The following PROX1 variants were observed in gnomAD, a reference collection of about 807,000 sequenced individuals.
The protein encoded by PROX1 is prospero homeobox 1.
In PROX1, 7 loss-of-function variants were observed where a neutral mutation model predicts 58.8. The observed-to-expected ratio is 0.12, with a 90% CI of 0.07 to 0.22. The LOEUF is 0.22. Ranked by LOEUF, PROX1 falls within the 10% of genes least tolerant of loss-of-function variation. The pLI is 1.00. For synonymous variants in PROX1, 350 were observed against 358.3 expected, an observed-to-expected ratio of 0.98 and a Z score of 0.26; for missense variants, 675 against 927.8, an observed-to-expected ratio of 0.73 and a Z score of 3.54.
chr1:213,992,420 T>C (rs1489446715), intron 1 of PROX1, among the ~76,000 whole-genome samples: 32 of 152,152 alleles, frequency 2.1e-4, no homozygotes, highest in Non-Finnish European at 2.9e-5. Context: ...TTCTTGAATG[T>C]AGTGAAGGGG....
At chr1:213,983,593 C>A (rs1313123309), upstream of PROX1, among the ~76,000 whole-genome samples, 1 of 152,142 alleles carries the variant, frequency 6.6e-6, no homozygotes, top group Non-Finnish European at 1.5e-5. Flanking sequence ...TGTACTTAAG[C>A]GACAGCAAAA....
intron 4 of PROX1, among the ~76,000 whole-genome samples, chr1:214,020,279 A>C (rs1394630132): frequency 6.6e-6 from 1 of 151,880 alleles, no homozygotes; most frequent in Non-Finnish European, 1.5e-5. Flanking sequence ...ACATTTTACC[A>C]ATTTTCTGAA....
chr1:214,014,777 T>TCCTCTA (rs1382653677), intron 4 of PROX1, among the ~76,000 whole-genome samples: 1 of 152,184 alleles, frequency 6.6e-6, no homozygotes, highest in Non-Finnish European at 1.5e-5. Context: ...CTTCTTTCTC[T>TCCTCTA]CCTCTACCCC....
chr1:214,036,549 T>C lies in PROX1; in HGVS notation c.*715T>C, dbSNP rs1162716327. The C allele has an allele frequency of 6.6e-6, 1 of 152,234 alleles. No individual in the cohort carries two copies. The highest frequency in any genetic ancestry group is 2.4e-5 in the African/African-American group (1 of 41,476). The allele number at this position is 152,234 out of a possible 1,614,324, so 9.4% of individuals were successfully genotyped here. On this transcript the variant is annotated 3_prime_UTR_variant, in exon 5 of 5. Coordinates refer to ENST00000366958, the MANE Select transcript of PROX1 (RefSeq NM_001270616.2). ...CTCTCAAGATGAGACTAGAAATTCATACCTGGTCTTGTAGCCACCTCTCTA... is the reference window on the plus strand; with the variant it reads ...CTCTCAAGATGAGACTAGAAATTCACACCTGGTCTTGTAGCCACCTCTCTA...
chr1:214,011,478 A>G, intron 3 of PROX1, 43 bp from the exon 4 acceptor site: 1 of 1,505,550 alleles, frequency 6.6e-7, no homozygotes, highest in Non-Finnish European at 9.0e-7. Flanking sequence ...TAAATGAAGA[A>G]AATGGCAATG....
intron 3 of PROX1, among the ~76,000 whole-genome samples, chr1:214,008,214 G>A (rs1204742549): frequency 6.6e-6 from 1 of 152,048 alleles, no homozygotes; most frequent in African/African-American, 2.4e-5. Flanking sequence ...ACCACGCCTG[G>A]CTAATTTTTG....
At chr1:214,005,964 A>G (rs1303860746) in intron 3 of PROX1, among the ~76,000 whole-genome samples, 17 of 149,268 alleles carry the variant, frequency 1.1e-4, no homozygotes, top group Admixed American at 2.7e-4. Context: ...GTGTGTGTGT[A>G]TGTGTCTGTG....
rs1255766377 is a variant in PROX1 at position 213,998,223 on chromosome 1, A to C, written c.1688A>C (p.Gln563Pro). ...ATAAAGTCCGAGTGCGGCGATCTTC[A>C]AGATATGTCTGAAATATCACCTTAT... is the stretch of plus-strand genomic sequence containing the variant. ...SLIKSECGDL[Q>P]DMSEISPYSG... is the part of the protein sequence containing the mutation. Residue 563 changes from glutamine (Q) to proline (P), a missense_variant, in exon 2 of 5, where the codon CAA (glutamine) becomes CCA (proline). By Grantham distance (76) the Gln-to-Pro change is moderately conservative (BLOSUM62 -1). Around this residue, in one of 8 missense-constraint regions of PROX1, gnomAD observed 39 missense variants for 73.4 expected, o/e 0.53. Coordinates refer to ENST00000366958, the MANE Select transcript of PROX1 (RefSeq NM_001270616.2). The C allele has an allele frequency of 1.9e-6, 3 of 1,593,312 alleles. No homozygotes were observed. Among genetic ancestry groups the C allele is most frequent in the Non-Finnish European group, 2.6e-6 (3 of 1,169,584 alleles).
intron 1 of PROX1, among the ~76,000 whole-genome samples, chr1:213,992,301 A>G (rs534562425): frequency 6.6e-6 from 1 of 152,296 alleles, no homozygotes; most frequent in East Asian, 1.9e-4. Flanking sequence ...GTATTAACTT[A>G]TGTCAAGTGA....
At chr1:213,989,368 C>T (rs556371416) in intron 1 of PROX1, among the ~76,000 whole-genome samples, 8 of 151,566 alleles carry the variant, frequency 5.3e-5, no homozygotes, top group African/African-American at 1.7e-4. Flanking sequence ...GACACCAGCA[C>T]GAGGAGGACC....
intron 4 of PROX1, among the ~76,000 whole-genome samples, chr1:214,018,578 T>C (rs914399801): frequency 1.3e-5 from 2 of 152,234 alleles, no homozygotes; most frequent in Admixed American, 6.5e-5. Flanking sequence ...ATTATACTAC[T>C]GTTCCTGTTA....
chr1:214,020,527 A>G (rs1458767009), intron 4 of PROX1, among the ~76,000 whole-genome samples: 1 of 152,208 alleles, frequency 6.6e-6, no homozygotes, highest in African/African-American at 2.4e-5. Flanking sequence ...GTTTTATTCT[A>G]TATATCTAAC....
upstream of PROX1, among the ~76,000 whole-genome samples, chr1:213,986,682 C>G (rs1406356230): frequency 6.6e-6 from 1 of 152,218 alleles, no homozygotes. Context: ...AAATGAGTGT[C>G]TAATAGACTA....
At chr1:214,020,971 A>G (rs987491089) in intron 4 of PROX1, among the ~76,000 whole-genome samples, 1 of 152,204 alleles carries the variant, frequency 6.6e-6, no homozygotes, top group African/African-American at 2.4e-5. Flanking sequence ...ATACCTATCA[A>G]AGAGGGGCAC....
chr1:214,008,740 C>T (rs1165205334), intron 3 of PROX1, among the ~76,000 whole-genome samples: 4 of 152,194 alleles, frequency 2.6e-5, no homozygotes, highest in Non-Finnish European at 4.4e-5. Context: ...GAGAGTTCTT[C>T]TTCTACAGGG....
In PROX1 at chr1:214,039,359, C is replaced by T. The variant is rs977030474; in HGVS notation, c.*3525C>T. 2.0e-5 allele frequency: 3 copies of T among 151,894 alleles called. No homozygotes were observed. Among genetic ancestry groups the T allele is most frequent in the African/African-American group, 4.8e-5 (2 of 41,336 alleles). 9.4% of individuals were successfully genotyped at this position (151,894 alleles called of 1,614,324 possible). On this transcript the variant is annotated 3_prime_UTR_variant, in exon 5 of 5. Transcript: ENST00000366958. ...ATTCCTGAAGTTTGCTTTGTGCCTCCGAGTATTATTTAATTAAAGAAGTGT... is the reference window on the plus strand; with the variant it reads ...ATTCCTGAAGTTTGCTTTGTGCCTCTGAGTATTATTTAATTAAAGAAGTGT...
At chr1:214,013,033 T>C (rs1416572064) in intron 4 of PROX1, among the ~76,000 whole-genome samples, 1 of 152,094 alleles carries the variant, frequency 6.6e-6, no homozygotes, top group Non-Finnish European at 1.5e-5. Flanking sequence ...GAAGTCATAG[T>C]TTTTCTTTGA....
chr1:213,985,306 A>T (rs558768263), upstream of PROX1: 155 of 152,358 alleles, frequency 1.0e-3, no homozygotes, highest in Non-Finnish European at 1.4e-3. Context: ...TCGGGCCTCA[A>T]GTCTTGTCCA....
intron 2 of PROX1, among the ~76,000 whole-genome samples, chr1:214,002,408 T>C (rs1663551710): frequency 7.3e-6 from 1 of 136,408 alleles, no homozygotes; most frequent in African/African-American, 2.9e-5. Flanking sequence ...TTTTTTTCTT[T>C]TTTCTTTTTT....
Sources: gnomAD v4.1 joint callset for allele counts (sites outside exome capture counted in the v4.1 genomes callset) on GRCh38, gnomAD v4.1.1 for gene constraint, gnomAD v4.1.1 regional missense constraint, MANE v1.5 for transcripts, NCBI Gene and HGNC (gene_info 2026-07-23, HGNC 2026-07-21) for gene names.